The following IQCB1 variants were observed in gnomAD, a reference collection of about 807,000 sequenced individuals.
IQCB1 encodes IQ motif containing B1, also known as IQ calmodulin-binding motif-containing protein 1.
A neutral mutation model predicts 84.4 loss-of-function variants in IQCB1; 56 were observed. The ratio of observed to expected loss-of-function variants is 0.66; its 90% confidence interval spans 0.54 to 0.83. The LOEUF is 0.83. IQCB1 is among the 40% of genes least tolerant of loss of function. The pLI is 0.00. For missense variants in IQCB1, 629 were observed against 682.1 expected, an observed-to-expected ratio of 0.92 and a Z score of 0.87; for synonymous variants, 210 against 234.8, an observed-to-expected ratio of 0.89 and a Z score of 0.96.
At chr3:121,807,714 T>G (rs539161538) in intron 6 of IQCB1, among the ~76,000 whole-genome samples, 1 of 152,102 alleles carries the variant, frequency 6.6e-6, no homozygotes, top group Non-Finnish European at 1.5e-5. Context: ...ATTGAAAATA[T>G]CATATCCTAA....
intron 8 of IQCB1, among the ~76,000 whole-genome samples, chr3:121,797,528 A>G (rs918697932): frequency 1.3e-5 from 2 of 151,648 alleles, no homozygotes; most frequent in Non-Finnish European, 2.9e-5. Flanking sequence ...TCACTGTGGT[A>G]AATCAAAAAG....
intron 4 of IQCB1, 62 bp from the exon 5 acceptor site, chr3:121,826,242 A>G: frequency 6.6e-7 from 1 of 1,524,470 alleles, no homozygotes; most frequent in Non-Finnish European, 9.1e-7. Flanking sequence ...AAGCTTCTAG[A>G]GACACTGTGC....
At chr3:121,813,274 A>T (rs1171144266) in intron 5 of IQCB1, among the ~76,000 whole-genome samples, 1 of 152,222 alleles carries the variant, frequency 6.6e-6, no homozygotes. Context: ...TGAAGGAAGC[A>T]CTAAATATGG....
chr3:121,799,089 T>C (rs1486617819), intron 8 of IQCB1, 107 bp downstream of exon 8: 15 of 765,916 alleles, frequency 2.0e-5, no homozygotes, highest in Middle Eastern at 3.7e-4. Flanking sequence ...TTTATCTACA[T>C]AGGTCAGTTA....
chr3:121,830,205 A>AAAT (rs150016803), intron 2 of IQCB1, among the ~76,000 whole-genome samples: 117,687 of 148,436 alleles, frequency 0.79, 46,818 homozygotes, highest in East Asian at 0.94. Flanking sequence ...CTCTGTCTCA[A>AAAT]AATAATAATA....
rs1257528843 is a variant in IQCB1, at chr3:121,790,089, G to A, written c.1113C>T (p.Leu371=). The change falls in exon 11 of 15, where the codon CTC becomes CTT. Residue 371 remains leucine (L), a synonymous_variant. Transcript: ENST00000310864. ...RLSRELQLSM[L]EIVHPGQVEK... ...GCCACTCACCTGGATGAACTATTTC[G>A]AGCATACTCAGCTGCAATTCTCGGG... 9 of 1,613,238 alleles carry A rather than the reference G, an allele frequency of 5.6e-6. No homozygotes were observed. The highest frequency in any genetic ancestry group is 4.0e-5 in the African/African-American group (3 of 74,856).
chr3:121,771,473 C>T (rs1947989233), intron 14 of IQCB1, among the ~76,000 whole-genome samples: 1 of 151,794 alleles, frequency 6.6e-6, no homozygotes, highest in Admixed American at 6.6e-5. Flanking sequence ...GGATTACAGG[C>T]ACCCGCCACC....
At chr3:121,775,703 A>ATTTT (rs1489086464) in intron 13 of IQCB1, among the ~76,000 whole-genome samples, 1 of 151,804 alleles carries the variant, frequency 6.6e-6, no homozygotes, top group Non-Finnish European at 1.5e-5. Context: ...GGACCCCTAA[A>ATTTT]TTTTTTTTTA....
chr3:121,783,582 T>C lies in IQCB1; in HGVS notation c.1279-1708A>G, dbSNP rs182344596. Among the ~76,000 whole-genome samples the C allele has an allele frequency of 3.3e-5, 5 of 152,358 alleles. No individual in the cohort carries two copies. The East Asian group carries it at 5.8e-4, about 18-fold the overall frequency. On this transcript the variant is annotated intron_variant, in intron 12 of 14. Transcript: ENST00000310864. ...GCTTTGTTTTCCATACTACCGATTA[T>C]ATTTTACAAACTCTGCCCTAATTTT...
chr3:121,788,895 A>G (rs1044041987), intron 11 of IQCB1, among the ~76,000 whole-genome samples: 14 of 152,148 alleles, frequency 9.2e-5, no homozygotes, highest in Admixed American at 8.5e-4. Context: ...CAGGGTTCAC[A>G]GTATATATGT....
intron 5 of IQCB1, among the ~76,000 whole-genome samples, chr3:121,812,092 T>A (rs1177242985): frequency 6.6e-6 from 1 of 152,134 alleles, no homozygotes; most frequent in Non-Finnish European, 1.5e-5. Flanking sequence ...GTGAGTAATA[T>A]TTGCTGTTCT....
intron 5 of IQCB1, among the ~76,000 whole-genome samples, chr3:121,818,480 A>T (rs1030568510): frequency 6.6e-6 from 1 of 152,226 alleles, no homozygotes; most frequent in African/African-American, 2.4e-5. Flanking sequence ...AAAAGAAGAG[A>T]GAAGCATGTA....
intron 5 of IQCB1, among the ~76,000 whole-genome samples, chr3:121,817,256 CAG>C (rs1950100830): frequency 6.6e-6 from 1 of 151,968 alleles, no homozygotes; most frequent in African/African-American, 2.4e-5. Flanking sequence ...TGTGGCCTGT[CAG>C]GGGGTAGGGA....
At chr3:121,821,897 A>C (rs1359214164) in intron 5 of IQCB1, among the ~76,000 whole-genome samples, 1 of 152,216 alleles carries the variant, frequency 6.6e-6, no homozygotes, top group African/African-American at 2.4e-5. Context: ...TTAACATTTA[A>C]ATTTTTAGTC....
At chr3:121,814,512 G>A (rs944080923) in intron 5 of IQCB1, among the ~76,000 whole-genome samples, 59 of 152,068 alleles carry the variant, frequency 3.9e-4, no homozygotes, top group African/African-American at 1.2e-3. Flanking sequence ...AAAATAGACC[G>A]CTAGCCAGAC....
chr3:121,833,647 T>C (rs762654409), intron 2 of IQCB1, among the ~76,000 whole-genome samples: 27 of 151,830 alleles, frequency 1.8e-4, no homozygotes, highest in Non-Finnish European at 2.9e-4. Context: ...CACACACAGA[T>C]ACAAAAAAAT....
Position 121,828,861 on chromosome 3 carries a change from C to A in IQCB1, c.100G>T (p.Glu34Ter), listed in dbSNP as rs1193996130. The A allele has an allele frequency of 1.3e-6, 2 of 1,555,506 alleles. No homozygotes were observed. The highest frequency in any genetic ancestry group is 2.7e-5 in the African/African-American group (2 of 73,716). Reference protein sequence around the residue: ...NVPVILLKLKEIINITPLGSS... With the variant: ...NVPVILLKLK ...TCTAATCACAAAAAGATTTTCTTACCTTTTAACTTCAACAGTATAACAGGG... is the reference window on the plus strand; with the variant it reads ...TCTAATCACAAAAAGATTTTCTTACATTTTAACTTCAACAGTATAACAGGG... Residue 34 changes from glutamate (E) to a stop codon, truncating the protein, a stop_gained and splice_region_variant, in exon 3 of 15, where the codon GAA becomes TAA. Coordinates refer to ENST00000310864, the MANE Select transcript of IQCB1 (RefSeq NM_001023570.4). LOFTEE classifies it high-confidence loss of function.
At position 121,770,765 on chromosome 3, in the gene IQCB1, C is replaced by A. The variant is rs111687283; in HGVS notation, c.1568-191G>T. On this transcript the variant is annotated intron_variant, in intron 14 of 14. Coordinates refer to ENST00000310864, the MANE Select transcript of IQCB1 (RefSeq NM_001023570.4). ...TAGCAAGATCACGGCTCACTGCAGC[C>A]TCAACCTCCTGGGCTCAAGTGATTC... Among the ~76,000 whole-genome samples the A allele has an allele frequency of 0.1, 15,660 of 152,216 alleles. 853 individuals carry two copies. Among genetic ancestry groups the A allele is most frequent in the South Asian group, 0.15 (736 of 4,822 alleles).
chr3:121,793,647 A>T (rs1949077381), intron 10 of IQCB1, among the ~76,000 whole-genome samples: 3 of 152,258 alleles, frequency 2.0e-5, no homozygotes, highest in Admixed American at 1.3e-4. Flanking sequence ...TGGAACCTCA[A>T]ATGCAAAAAT....
Sources: allele counts gnomAD v4.1 joint callset (sites outside exome capture counted in the v4.1 genomes callset), GRCh38; gene constraint gnomAD v4.1.1; transcripts MANE v1.5; gene names NCBI Gene and HGNC (gene_info 2026-07-23, HGNC 2026-07-21).